LAMA3: variants seen among roughly 807,000 people sequenced by gnomAD.
The protein encoded by LAMA3 is laminin subunit alpha-3.
In LAMA3, 281 loss-of-function variants were observed where a neutral mutation model predicts 402.0. The ratio of observed to expected loss-of-function variants is 0.70; its 90% CI spans 0.63 to 0.77. The LOEUF is 0.77. LAMA3 is among the 30% of genes least tolerant of loss of function. LAMA3 has a pLI of 0.00. For missense variants in LAMA3, 3,840 were observed against 4,215.5 expected (o/e 0.91, Z 2.47); for synonymous variants, 1,431 against 1,558.4 (o/e 0.92, Z 1.93).
At chr18:23,783,364 G>C (rs1465792938) in intron 11 of LAMA3, among the ~76,000 whole-genome samples, 1 of 152,126 alleles carries the variant, frequency 6.6e-6, no homozygotes, top group Non-Finnish European at 1.5e-5. Context: ...AGGAAAGTGG[G>C]GGGGCCATTT....
intron 12 of LAMA3, among the ~76,000 whole-genome samples, chr18:23,791,408 G>T (rs959372441): frequency 6.6e-6 from 1 of 151,986 alleles, no homozygotes; most frequent in Non-Finnish European, 1.5e-5. Context: ...TTTGTGGGGG[G>T]AAAAATGATA....
intron 38 of LAMA3, among the ~76,000 whole-genome samples, chr18:23,874,917 G>A (rs890259085): frequency 2.4e-4 from 37 of 152,222 alleles, no homozygotes; most frequent in African/African-American, 8.2e-4. Flanking sequence ...AGGCTGGAGT[G>A]TGGTGGCGCA....
At position 23,933,845 on chromosome 18, in the gene LAMA3, G is replaced by C. The variant is rs1568362502; in HGVS notation, c.8772G>C (p.Leu2924=). ...TSNSLKRDVS[L]GGCSLNKPPF... is the part of the protein sequence containing the mutation. ...ACTCTCTCAAGAGAGATGTGTCCCT[G>C]GGAGGCTGCAGTTTAAACAAACCAC... Residue 2924 remains leucine, a synonymous_variant, in exon 67 of 75, where the codon CTG becomes CTC. Coordinates refer to ENST00000313654, the MANE Select transcript of LAMA3 (RefSeq NM_198129.4). The C allele has an allele frequency of 6.2e-7, 1 of 1,614,022 alleles. No homozygotes were observed. Among genetic ancestry groups the C allele is most frequent in the African/African-American group, 1.3e-5 (1 of 75,032 alleles).
At position 23,899,456 on chromosome 18, in the gene LAMA3, G is replaced by A. The variant is rs908264766; in HGVS notation, c.6004+1G>A. 1 of 1,613,926 alleles carries A rather than the reference G, an allele frequency of 6.2e-7. No homozygotes were observed. Among genetic ancestry groups the A allele is most frequent in the South Asian group, 1.1e-5 (1 of 91,046 alleles). ...GCTGATAAAAGGGAGTCGCAGCTCT[G>A]TAAGAATGCTCCCAAATTCTTGCAT... is the stretch of plus-strand genomic sequence containing the variant. On this transcript the variant is annotated splice_donor_variant, in intron 47 of 74. Transcript: ENST00000313654. LOFTEE classifies it high-confidence loss of function.
At chr18:23,703,033 G>A (rs560211348) in intron 1 of LAMA3, among the ~76,000 whole-genome samples, 65 of 152,336 alleles carry the variant, frequency 4.3e-4, no homozygotes, top group Admixed American at 3.3e-4. Context: ...TACCATCAAT[G>A]TAGCTACTTC....
chr18:23,916,750 T>A (rs750900245), intron 60 of LAMA3, 55 bp downstream of exon 60: 3 of 1,572,786 alleles, frequency 1.9e-6, no homozygotes, highest in Non-Finnish European at 2.6e-6. Flanking sequence ...TGTTTAGCAA[T>A]TTGGAGATAA....
intron 2 of LAMA3, among the ~76,000 whole-genome samples, chr18:23,724,215 C>A (rs114082550): frequency 2.7e-4 from 41 of 152,272 alleles, no homozygotes; most frequent in African/African-American, 9.9e-4. Flanking sequence ...TTAATTCATT[C>A]CTTTTTATGG....
intron 67 of LAMA3, among the ~76,000 whole-genome samples, 184 bp downstream of exon 67, chr18:23,934,119 A>C (rs1046315197): frequency 6.6e-6 from 1 of 152,216 alleles, no homozygotes; most frequent in African/African-American, 2.4e-5. Context: ...TGTATTTCGC[A>C]TCTTGATGAA....
At chr18:23,779,993 T>C (rs2062403446) in intron 11 of LAMA3, among the ~76,000 whole-genome samples, 1 of 152,176 alleles carries the variant, frequency 6.6e-6, no homozygotes, top group African/African-American at 2.4e-5. Flanking sequence ...GGCAGTCACG[T>C]TGGCTTAGAG....
intron 37 of LAMA3, 76 bp from the exon 38 acceptor site, chr18:23,871,355 G>C: frequency 8.9e-7 from 1 of 1,122,654 alleles, no homozygotes; most frequent in Non-Finnish European, 1.4e-6. Flanking sequence ...TGATTCATTC[G>C]GGGTGTCTGC....
intron 2 of LAMA3, among the ~76,000 whole-genome samples, chr18:23,741,625 A>C (rs1159671095): frequency 1.3e-5 from 2 of 152,184 alleles, no homozygotes; most frequent in Non-Finnish European, 2.9e-5. Context: ...GTACCTGGGT[A>C]GTAGGGGCAT....
intron 55 of LAMA3, among the ~76,000 whole-genome samples, chr18:23,911,238 C>T (rs1287546771): frequency 1.3e-5 from 2 of 151,998 alleles, no homozygotes; most frequent in East Asian, 3.9e-4. Flanking sequence ...ATGTGGGACC[C>T]CATCGCTAAG....
At chr18:23,920,850 G>A (rs1049368562) in intron 60 of LAMA3, 85 bp from the exon 61 acceptor site, 10 of 1,516,806 alleles carry the variant, frequency 6.6e-6, no homozygotes, top group Non-Finnish European at 8.2e-6. Flanking sequence ...AGAGCAGGGG[G>A]GTCTGTGAGA....
chr18:23,881,712 G>A (rs2064901301), intron 39 of LAMA3, among the ~76,000 whole-genome samples: 1 of 152,154 alleles, frequency 6.6e-6, no homozygotes, highest in Non-Finnish European at 1.5e-5. Context: ...ACTATGTCAC[G>A]CTGCCAATGT....
Position 23,857,552 on chromosome 18 carries a change from G to A in LAMA3, c.4137-292G>A, listed in dbSNP as rs1341597313. ...TCATTTCCACTTATGGGCCATCTGC[G>A]GGAGCCCTCCAGGCTCGGGGGCCAT... On this transcript the variant is annotated intron_variant, in intron 32 of 74. Coordinates refer to ENST00000313654, the MANE Select transcript of LAMA3 (RefSeq NM_198129.4). 3.3e-5 allele frequency among the ~76,000 whole-genome samples: 5 copies of A among 152,276 alleles called. No homozygotes were observed. The East Asian group carries it at 7.7e-4, about 24-fold the overall frequency.
At chr18:23,793,904 C>T (rs774527226) in intron 12 of LAMA3, among the ~76,000 whole-genome samples, 11 of 152,236 alleles carry the variant, frequency 7.2e-5, no homozygotes, top group Non-Finnish European at 1.0e-4. Flanking sequence ...TTGGGGTTCC[C>T]GCAAACCTCC....
At chr18:23,873,287 A>G in intron 38 of LAMA3, 1 of 1,332,178 alleles carries the variant, frequency 7.5e-7, no homozygotes, top group African/African-American at 1.4e-5. Context: ...AGTTACAGTT[A>G]CGGTGATTAA....
chr18:23,690,957 G>A (rs1170241284), intron 1 of LAMA3, among the ~76,000 whole-genome samples: 2 of 151,288 alleles, frequency 1.3e-5, no homozygotes, highest in Non-Finnish European at 2.9e-5. Flanking sequence ...TTTTGCCCAA[G>A]CTGGTCTCAA....
At chr18:23,875,156 C>A (rs1354204166) in intron 38 of LAMA3, among the ~76,000 whole-genome samples, 1 of 152,182 alleles carries the variant, frequency 6.6e-6, no homozygotes, top group African/African-American at 2.4e-5. Flanking sequence ...TGAGCCACCA[C>A]AACCAGCCAA....
Sources: gnomAD v4.1 joint callset for allele counts (sites outside exome capture counted in the v4.1 genomes callset) on GRCh38, gnomAD v4.1.1 for gene constraint, MANE v1.5 for transcripts, NCBI Gene and HGNC (gene_info 2026-07-23, HGNC 2026-07-21) for gene names.